The following KRT6B variants were observed in gnomAD, a reference collection of about 807,000 sequenced individuals.
KRT6B encodes the protein keratin, type II cytoskeletal 6B.
KRT6B carries 29 observed loss-of-function variants against 44.7 expected under a neutral mutation model. The ratio of observed to expected loss-of-function variants is 0.65; its 90% confidence interval spans 0.48 to 0.88. The LOEUF (loss-of-function observed/expected upper bound fraction) is 0.88. KRT6B is among the 40% of genes least tolerant of loss of function. The probability of loss-of-function intolerance (pLI) is 0.00; values close to 1 mark genes in which losing one functional copy is unlikely to be tolerated. For synonymous variants in KRT6B, 213 were observed against 296.0 expected (o/e 0.72, Z 2.88); for missense variants, 600 against 724.0 (o/e 0.83, Z 1.97).
rs113526925 is a variant in KRT6B, at chr12:52,447,538, C to T, written c.1459+1G>A. 6.2e-7 allele frequency: 1 copy of T among 1,614,000 alleles called. No individual in the cohort carries two copies. The highest frequency in any genetic ancestry group is 1.1e-5 in the South Asian group (1 of 91,074). ...GGAGGAAGGCAAACAAAGGTACTTA[C>T]AGATGTTGACTTGTCCAACGCCTTC... On this transcript the variant is annotated splice_donor_variant, in intron 8 of 8. Transcript: ENST00000252252. LOFTEE classifies it high-confidence loss of function.
intron 2 of KRT6B, 152 bp from the exon 3 acceptor site, chr12:52,450,224 A>AT: frequency 1.3e-6 from 2 of 1,521,192 alleles, no homozygotes; most frequent in Non-Finnish European, 1.8e-6. Flanking sequence ...CTACTACTAA[A>AT]TTTGCCATTT....
chr12:52,450,690 C>A, intron 1 of KRT6B, 70 bp from the exon 2 acceptor site: 1 of 1,610,500 alleles, frequency 6.2e-7, no homozygotes, highest in Non-Finnish European at 8.5e-7. Context: ...ATCCAGTTTC[C>A]TGGAGGTCTG....
chr12:52,449,613 G>T lies in KRT6B; in HGVS notation c.933C>A (p.Thr311=), dbSNP rs1280779969. ...LYDAELSQMQ[T]HISDTSVVLS... is the part of the protein sequence containing the mutation. ...GCACCACGGATGTGTCTGAGATGTGGGTCTGCATCTGGGACAGCTCCTGCA... is the reference window on the plus strand; with the variant it reads ...GCACCACGGATGTGTCTGAGATGTGTGTCTGCATCTGGGACAGCTCCTGCA... Residue 311 remains threonine, a synonymous_variant, in exon 5 of 9, where the codon ACC becomes ACA. Transcript: ENST00000252252. 1 of 1,614,162 alleles carries T rather than the reference G, an allele frequency of 6.2e-7. No homozygotes were observed. Among genetic ancestry groups the T allele is most frequent in the South Asian group, 1.1e-5 (1 of 91,080 alleles).
At position 52,447,422 on chromosome 12, in the gene KRT6B, A is replaced by G. The variant is rs1940328601; in HGVS notation, c.1463T>C (p.Val488Ala). 1 of 1,613,970 alleles carries G rather than the reference A, an allele frequency of 6.2e-7. No homozygotes were observed. The highest frequency in any genetic ancestry group is 1.1e-5 in the South Asian group (1 of 91,070). ...GCCACTGGAGACGGTGGACTGCACT[A>G]CAGCTGTGGTGGGGAGGGGACAAGG... Reference protein sequence around the residue: ...GEGVGQVNISVVQSTVSSGYG... With the variant: ...GEGVGQVNISAVQSTVSSGYG... Residue 488 changes from valine to alanine, a missense_variant, in exon 9 of 9, where the codon GTA (valine) becomes GCA (alanine). Around this residue, in one of 4 missense-constraint regions of KRT6B, gnomAD observed 479 missense variants for 454.2 expected, o/e 1.05. Coordinates refer to ENST00000252252, the MANE Select transcript of KRT6B (RefSeq NM_005555.4).
rs1940339734 is a variant in KRT6B at position 52,447,954 on chromosome 12, C to G, written c.1248G>C (p.Gly416=). 1 of 1,614,050 alleles carries G rather than the reference C, an allele frequency of 6.2e-7. No homozygotes were observed. Among genetic ancestry groups the G allele is most frequent in the African/African-American group, 1.3e-5 (1 of 74,912 alleles). Residue 416 remains glycine (G), a synonymous_variant, in exon 7 of 9, where the codon GGG becomes GGC. Coordinates refer to ENST00000252252, the MANE Select transcript of KRT6B (RefSeq NM_005555.4). Reference sequence around the variant, plus strand: ...TCTTAGCATCCTTGAGGGCCATCTCCCCACGCTGCTCAGCATCAGCAATGG... The same window carrying G: ...TCTTAGCATCCTTGAGGGCCATCTCGCCACGCTGCTCAGCATCAGCAATGG... ...QAAIADAEQR[G]EMALKDAKNK...
rs747474819 is a variant in KRT6B, at chr12:52,450,090, T to C, written c.756-18A>G. The C allele has an allele frequency of 3.1e-6, 5 of 1,613,968 alleles. No individual in the cohort carries two copies. The South Asian group carries it at 4.4e-5, about 14-fold the overall frequency. ...CCTCATATCTACAGGAAGAAAGGCA[T>C]GGGACACATTTGAGCCAGTGGGTAG... On this transcript the variant is annotated intron_variant, in intron 2 of 8. Transcript: ENST00000252252.
rs1940324754 is a variant in KRT6B, at chr12:52,447,257, C to T, written c.1628G>A (p.Gly543Glu). 4 of 1,613,898 alleles carry T rather than the reference C, an allele frequency of 2.5e-6. No homozygotes were observed. Among genetic ancestry groups the T allele is most frequent in the African/African-American group, 1.3e-5 (1 of 74,912 alleles). ...RATGGGLSSVGGGSSTIKYTT... is the reference protein window; with the variant it reads ...RATGGGLSSVEGGSSTIKYTT... ...GTACTTGATGGTGGAACTGCCGCCT[C>T]CAACAGAGCTGAGGCCACCCCCAGT... is the stretch of plus-strand genomic sequence containing the variant. Residue 543 changes from glycine (G) to glutamate (E), a missense_variant, in exon 9 of 9, where the codon GGA becomes GAA. Physicochemically the swap from Gly to Glu is moderately conservative, Grantham distance 98. Transcript: ENST00000252252.
At chr12:52,449,273 G>T (rs191163167) in intron 5 of KRT6B, among the ~76,000 whole-genome samples, 196 bp downstream of exon 5, 6 of 152,308 alleles carry the variant, frequency 3.9e-5, no homozygotes, top group East Asian at 1.9e-4. Context: ...ATCGTAGCTT[G>T]CCTCCTGCAT....
At chr12:52,448,381 G>T (rs750165377) in intron 6 of KRT6B, among the ~76,000 whole-genome samples, 1 of 152,160 alleles carries the variant, frequency 6.6e-6, no homozygotes, top group Non-Finnish European at 1.5e-5. Context: ...TTCACATGAG[G>T]CTGTTGTGAC....
In KRT6B at chr12:52,447,559, C is replaced by T; in HGVS notation, c.1439G>A (p.Gly480Asp). The change falls in exon 8 of 9, where the codon GGC becomes GAC. Residue 480 changes from glycine (G) to aspartate (D), a missense_variant. Gly to Asp is a moderately conservative substitution (Grantham distance 94). Coordinates refer to ENST00000252252, the MANE Select transcript of KRT6B (RefSeq NM_005555.4). ...EGEECRLNGE[G>D]VGQVNISVVQ... ...CTTACAGATGTTGACTTGTCCAACG[C>T]CTTCGCCATTCAGCCTGTGGAGAGG... 1 of 1,613,970 alleles carries T rather than the reference C, an allele frequency of 6.2e-7. No individual in the cohort carries two copies. The highest frequency in any genetic ancestry group is 8.5e-7 in the Non-Finnish European group (1 of 1,179,864).
In KRT6B at chr12:52,449,827, C is replaced by A. The variant is rs1565800565; in HGVS notation, c.843G>T (p.Lys281Asn). 1 of 1,613,972 alleles carries A rather than the reference C, an allele frequency of 6.2e-7. No individual in the cohort carries two copies. Among genetic ancestry groups the A allele is most frequent in the South Asian group, 1.1e-5 (1 of 91,060 alleles). Residue 281 changes from lysine to asparagine, a missense_variant, in exon 4 of 9, where the codon AAG (lysine) becomes AAT (asparagine). Physicochemically the swap from Lys to Asn is moderately conservative, Grantham distance 94. Around this residue, in one of 4 missense-constraint regions of KRT6B, gnomAD observed 479 missense variants for 454.2 expected, o/e 1.05. Coordinates refer to ENST00000252252, the MANE Select transcript of KRT6B (RefSeq NM_005555.4). ...KKDVDAAYMNKVELQAKADTL... is the reference protein window; with the variant it reads ...KKDVDAAYMNNVELQAKADTL... ...TGTCTGCCTTGGCTTGCAGTTCAAC[C>A]TTGTTCATGTAGGCAGCATCCACAT...
At chr12:52,448,204 C>T (rs1173914198) in intron 6 of KRT6B, among the ~76,000 whole-genome samples, 1 of 152,184 alleles carries the variant, frequency 6.6e-6, no homozygotes. Flanking sequence ...TTTCTGTTAA[C>T]TCCACTGCCT....
Position 52,447,876 on chromosome 12 carries a change from G to A in KRT6B, c.1326C>T (p.Ala442=), listed in dbSNP as rs762230367. Reference sequence around the variant, plus strand: ...GCTCCTGGTACTCCTTCAGCAGCCGGGCCAGGTCCTGCTTGGCCTTCTGCA... The same window carrying A: ...GCTCCTGGTACTCCTTCAGCAGCCGAGCCAGGTCCTGCTTGGCCTTCTGCA... ...DALQKAKQDL[A]RLLKEYQELM... is the part of the protein sequence containing the mutation. Residue 442 remains alanine, a synonymous_variant, in exon 7 of 9, where the codon GCC becomes GCT. Coordinates refer to ENST00000252252, the MANE Select transcript of KRT6B (RefSeq NM_005555.4). 1.5e-5 allele frequency: 25 copies of A among 1,614,130 alleles called. No individual in the cohort carries two copies. Among genetic ancestry groups the A allele is most frequent in the South Asian group, 8.8e-5 (8 of 91,076 alleles).
chr12:52,446,978 G>C lies in KRT6B; in HGVS notation c.*212C>G. 1.6e-6 allele frequency: 1 copy of C among 616,950 alleles called. No homozygotes were observed. Among genetic ancestry groups the C allele is most frequent in the Non-Finnish European group, 2.8e-6 (1 of 352,236 alleles). 38.2% of individuals were successfully genotyped at this position (616,950 alleles called of 1,614,324 possible). ...AATACGGGAACTAAAAAGGACATTC[G>C]CATGTCTGAGTGCTGATAACTGTTG... On this transcript the variant is annotated 3_prime_UTR_variant, in exon 9 of 9. Coordinates refer to ENST00000252252, the MANE Select transcript of KRT6B (RefSeq NM_005555.4).
Position 52,451,547 on chromosome 12 carries a change from T to C in KRT6B, c.532A>G (p.Ile178Val), listed in dbSNP as rs1332566987. 3 of 1,613,672 alleles carry C rather than the reference T, an allele frequency of 1.9e-6. No homozygotes were observed. Among genetic ancestry groups the C allele is most frequent in the Non-Finnish European group, 2.5e-6 (3 of 1,179,900 alleles). ...GCATGGCACTGGCTCACCTTGTCGATGAAGGAGGCAAACTTGTTGTTGAGG... is the reference window on the plus strand; with the variant it reads ...GCATGGCACTGGCTCACCTTGTCGACGAAGGAGGCAAACTTGTTGTTGAGG... ...KTLNNKFASFIDKVRFLEQQN... is the reference protein window; with the variant it reads ...KTLNNKFASFVDKVRFLEQQN... Residue 178 changes from isoleucine (I) to valine (V), a missense_variant, in exon 1 of 9, where the codon ATC becomes GTC. Ile to Val is a conservative substitution (Grantham distance 29). Around this residue, in one of 4 missense-constraint regions of KRT6B, gnomAD observed 31 missense variants for 79.0 expected, o/e 0.39. Transcript: ENST00000252252.
chr12:52,448,230 G>A (rs1458541775), intron 6 of KRT6B, among the ~76,000 whole-genome samples: 1 of 152,220 alleles, frequency 6.6e-6, no homozygotes, highest in East Asian at 1.9e-4. Flanking sequence ...TGTGGGTGAT[G>A]ACCAATGGAA....
chr12:52,447,822 C>G lies in KRT6B; in HGVS notation c.1380G>C (p.Val460=). 2.5e-6 allele frequency: 4 copies of G among 1,614,170 alleles called. No homozygotes were observed. The highest frequency in any genetic ancestry group is 3.4e-6 in the Non-Finnish European group (4 of 1,180,024). Residue 460 remains valine (V), a synonymous_variant, in exon 7 of 9, where the codon GTG becomes GTC. Coordinates refer to ENST00000252252, the MANE Select transcript of KRT6B (RefSeq NM_005555.4). ...ELMNVKLALD[V]EIATYRKLLE... is the part of the protein sequence containing the mutation. The stretch of plus-strand genomic sequence containing the variant: ...GCAGCTTGCGGTAGGTGGCGATCTC[C>G]ACATCCAGGGCCAGCTTGACGTTCA...
chr12:52,446,974 AT>A lies in KRT6B; in HGVS notation c.*215del. ...TAATAATACGGGAACTAAAAAGGAC[AT>A]TCGCATGTCTGAGTGCTGATAACTG... On this transcript the variant is annotated 3_prime_UTR_variant, in exon 9 of 9. Transcript: ENST00000252252. 1 of 616,200 alleles carries A rather than the reference AT, an allele frequency of 1.6e-6. No homozygotes were observed. Among genetic ancestry groups the A allele is most frequent in the Non-Finnish European group, 2.8e-6 (1 of 351,726 alleles). 38.2% of individuals were successfully genotyped at this position (616,200 alleles called of 1,614,324 possible).
In KRT6B at chr12:52,447,771, T is replaced by C. The variant is rs1940335904; in HGVS notation, c.1424+7A>G. On this transcript the variant is annotated splice_region_variant and intron_variant, in intron 7 of 8. Coordinates refer to ENST00000252252, the MANE Select transcript of KRT6B (RefSeq NM_005555.4). Reference sequence around the variant, plus strand: ...AGCTGTTGGAGGAAGTCGCGTCAGTTACCCACCTGCACTCCTCGCCCTCCA... The same window carrying C: ...AGCTGTTGGAGGAAGTCGCGTCAGTCACCCACCTGCACTCCTCGCCCTCCA... The C allele has an allele frequency of 4.3e-6, 7 of 1,614,088 alleles. No individual in the cohort carries two copies. Among genetic ancestry groups the C allele is most frequent in the African/African-American group, 2.7e-5 (2 of 74,932 alleles).
Sources: allele counts gnomAD v4.1 joint callset (sites outside exome capture counted in the v4.1 genomes callset), GRCh38; gene constraint gnomAD v4.1.1; regional missense constraint gnomAD v4.1.1; transcripts MANE v1.5; gene names NCBI Gene and HGNC (gene_info 2026-07-23, HGNC 2026-07-21).